Variants in CDKL4 observed in about 807,000 individuals in gnomAD.
The protein encoded by CDKL4 is cyclin dependent kinase like 4, also known as cyclin-dependent kinase-like 4.
CDKL4 carries 44 observed loss-of-function variants against 42.0 expected under a neutral mutation model. That is an observed-to-expected ratio of 1.05 (90% CI 0.82 to 1.35). The LOEUF (loss-of-function observed/expected upper bound fraction) is 1.35. Ranked by LOEUF, CDKL4 falls within the 40% of genes most tolerant of loss-of-function variation. CDKL4 has a pLI of 0.00. For synonymous variants in CDKL4, 120 were observed against 121.6 expected (o/e 0.99, Z 0.09); for missense variants, 393 against 369.9 (o/e 1.06, Z -0.51).
At chr2:39,168,550 A>T in the CDKL4 span, among the ~76,000 whole-genome samples, 1 of 152,064 alleles carries the variant, frequency 6.6e-6, no homozygotes, top group African/African-American at 2.4e-5. Flanking sequence ...AGCCTGGTCA[A>T]CATGGTGAAA....
chr2:39,168,756 T>C, the CDKL4 span, among the ~76,000 whole-genome samples: 1 of 151,310 alleles, frequency 6.6e-6, no homozygotes, highest in Non-Finnish European at 1.5e-5. Flanking sequence ...TTTTTTGTTT[T>C]TTTGTTTGTT....
intron 7 of CDKL4, among the ~76,000 whole-genome samples, chr2:39,185,815 T>C (rs774804204): frequency 1.4e-4 from 22 of 152,148 alleles, no homozygotes; most frequent in Admixed American, 5.9e-4. Context: ...TATGTAAAGA[T>C]CTGAAATACA....
chr2:39,178,918 G>T lies in CDKL4; in HGVS notation c.927+269C>A, dbSNP rs1334996939. 1.4e-5 allele frequency: 20 copies of T among 1,448,638 alleles called. No individual in the cohort carries two copies. The African/African-American group carries it at 2.7e-4, about 20-fold the overall frequency. The allele number at this position is 1,448,638 out of a possible 1,614,324, so 89.7% of individuals were successfully genotyped here. A position where few individuals can be genotyped will look rare whatever the true frequency, so the allele number is the denominator to read the frequency against. On this transcript the variant is annotated intron_variant, in intron 9 of 9. Transcript: ENST00000451199. Reference sequence around the variant, plus strand: ...TTATATTATGGGTATACGATCTTGTGGGTGGGATATCCAATCAGAGCAGCC... The same window carrying T: ...TTATATTATGGGTATACGATCTTGTTGGTGGGATATCCAATCAGAGCAGCC...
chr2:39,199,217 G>A (rs890610409), intron 5 of CDKL4, among the ~76,000 whole-genome samples: 26 of 151,920 alleles, frequency 1.7e-4, no homozygotes, highest in Admixed American at 5.2e-4. Flanking sequence ...ATACCTTTAC[G>A]TGCATAAACT....
intron 5 of CDKL4, among the ~76,000 whole-genome samples, chr2:39,197,944 G>T (rs1205342565): frequency 6.6e-6 from 1 of 150,824 alleles, no homozygotes; most frequent in African/African-American, 2.5e-5. Context: ...AAAACCCAGG[G>T]TATTCAGGTA....
At chr2:39,207,282 C>T (rs541442034) in intron 4 of CDKL4, among the ~76,000 whole-genome samples, 3 of 151,934 alleles carry the variant, frequency 2.0e-5, no homozygotes, top group African/African-American at 7.2e-5. Context: ...CTACACAAGA[C>T]GCTGAGATGG....
At chr2:39,228,768 C>T (rs759428959) in intron 2 of CDKL4, among the ~76,000 whole-genome samples, 2 of 152,086 alleles carry the variant, frequency 1.3e-5, no homozygotes, top group Non-Finnish European at 2.9e-5. Context: ...TCTCTACGGT[C>T]GCTTATAGAT....
chr2:39,200,918 C>A (rs1676802879), intron 5 of CDKL4, among the ~76,000 whole-genome samples: 1 of 151,974 alleles, frequency 6.6e-6, no homozygotes, highest in African/African-American at 2.4e-5. Flanking sequence ...GCAAAGACTT[C>A]TCATGACCAA....
intron 9 of CDKL4, chr2:39,178,779 A>C (rs776754906): frequency 1.8e-5 from 28 of 1,585,058 alleles, no homozygotes; most frequent in Non-Finnish European, 2.1e-5. Flanking sequence ...AAAAGATGGA[A>C]GAGTCAAGTT....
chr2:39,189,505 A>G (rs2148300664), intron 6 of CDKL4, among the ~76,000 whole-genome samples: 1 of 152,234 alleles, frequency 6.6e-6, no homozygotes, highest in East Asian at 1.9e-4. Context: ...ATTCTTAAGT[A>G]CTATACAAAG....
At chr2:39,233,461 T>C (rs966474317) in intron 1 of CDKL4, among the ~76,000 whole-genome samples, 14 of 152,142 alleles carry the variant, frequency 9.2e-5, no homozygotes, top group African/African-American at 3.1e-4. Context: ...ACATTTGGCA[T>C]CTTGCAAGAC....
intron 6 of CDKL4, among the ~76,000 whole-genome samples, chr2:39,188,873 G>C (rs1676002729): frequency 6.6e-6 from 1 of 152,044 alleles, no homozygotes; most frequent in Admixed American, 6.6e-5. Flanking sequence ...AAAATTTTTT[G>C]CAGATATGGG....
intron 8 of CDKL4, among the ~76,000 whole-genome samples, chr2:39,182,622 G>A (rs1675501053): frequency 6.6e-6 from 1 of 152,278 alleles, no homozygotes; most frequent in South Asian, 2.1e-4. Context: ...AATCAAAATG[G>A]TAAAGTCCAA....
intron 6 of CDKL4, 92 bp downstream of exon 6, chr2:39,190,213 T>G: frequency 1.1e-6 from 1 of 914,154 alleles, no homozygotes; most frequent in Non-Finnish European, 1.6e-6. Context: ...AAAACTCTTG[T>G]TTTTTATTTT....
intron 5 of CDKL4, among the ~76,000 whole-genome samples, chr2:39,195,414 C>G (rs1187259339): frequency 6.6e-6 from 1 of 152,116 alleles, no homozygotes; most frequent in Non-Finnish European, 1.5e-5. Context: ...ATTGTACTTT[C>G]CCACTAGCAA....
At chr2:39,195,147 T>C (rs962654984) in intron 5 of CDKL4, among the ~76,000 whole-genome samples, 2 of 152,234 alleles carry the variant, frequency 1.3e-5, no homozygotes, top group African/African-American at 4.8e-5. Flanking sequence ...CAGAATTTCA[T>C]TTCTTTTTGA....
intron 5 of CDKL4, among the ~76,000 whole-genome samples, chr2:39,202,103 G>T (rs577207556): frequency 6.6e-6 from 1 of 152,210 alleles, no homozygotes; most frequent in South Asian, 2.1e-4. Flanking sequence ...GTGGTGGCGG[G>T]TTCCTGAAGT....
intron 1 of CDKL4, among the ~76,000 whole-genome samples, chr2:39,243,617 TC>T (rs1218525836): frequency 6.6e-6 from 1 of 152,236 alleles, no homozygotes; most frequent in Non-Finnish European, 1.5e-5. Flanking sequence ...TGCGCGCTCC[TC>T]GGCCCCCGCC....
chr2:39,244,639 A>C (rs1396243879), upstream of CDKL4, among the ~76,000 whole-genome samples: 1 of 152,062 alleles, frequency 6.6e-6, no homozygotes, highest in Non-Finnish European at 1.5e-5. Context: ...CCCATCGACC[A>C]CCCAAGGGCT....
Sources: gnomAD v4.1 joint callset for allele counts (sites outside exome capture counted in the v4.1 genomes callset) on GRCh38, gnomAD v4.1.1 for gene constraint, MANE v1.5 for transcripts, NCBI Gene and HGNC (gene_info 2026-07-23, HGNC 2026-07-21) for gene names.